PRDM2: variants seen among roughly 807,000 people sequenced by gnomAD.
The protein encoded by PRDM2 is PR domain zinc finger protein 2.
Under a neutral mutation model 130.0 loss-of-function variants are expected in PRDM2, and 30 were observed. The ratio of observed to expected loss-of-function variants is 0.23; its 90% CI spans 0.17 to 0.31. PRDM2 has a LOEUF of 0.31. Ranked by LOEUF, PRDM2 falls within the 10% of genes least tolerant of loss-of-function variation. The pLI is 1.00. For missense variants in PRDM2, 2,011 were observed against 2,108.4 expected (o/e 0.95, Z 0.90); for synonymous variants, 871 against 782.4 (o/e 1.11, Z -1.89).
intron 8 of PRDM2, among the ~76,000 whole-genome samples, chr1:13,813,727 G>T (rs972577411): frequency 2.6e-5 from 4 of 152,176 alleles, no homozygotes; most frequent in African/African-American, 7.2e-5. Flanking sequence ...TAGCAGAGGG[G>T]CCTCTGCCTT....
intron 8 of PRDM2, among the ~76,000 whole-genome samples, chr1:13,798,985 A>G (rs1365100469): frequency 6.6e-6 from 1 of 152,142 alleles, no homozygotes; most frequent in African/African-American, 2.4e-5. Context: ...TGCCTTGGAG[A>G]TTTCTCCTTC....
At chr1:13,741,736 G>GTGTGTT (rs1433901925) in intron 4 of PRDM2, among the ~76,000 whole-genome samples, 2 of 148,316 alleles carry the variant, frequency 1.3e-5, no homozygotes, top group African/African-American at 4.9e-5. Context: ...GTGTGTGTGT[G>GTGTGTT]TGTGTGTGTG....
chr1:13,765,552 G>A (rs1644206737), intron 6 of PRDM2, among the ~76,000 whole-genome samples: 1 of 151,816 alleles, frequency 6.6e-6, no homozygotes, highest in Admixed American at 6.6e-5. Context: ...TGCAGCCTCC[G>A]CCTCCTGGGT....
At chr1:13,711,554 C>G (rs762640046) in intron 1 of PRDM2, among the ~76,000 whole-genome samples, 2 of 152,198 alleles carry the variant, frequency 1.3e-5, no homozygotes, top group Admixed American at 1.3e-4. Context: ...CAGTCTTGCT[C>G]AAGGAGTTGG....
At chr1:13,822,342 C>T (rs1350929869) in intron 9 of PRDM2, among the ~76,000 whole-genome samples, 1 of 152,104 alleles carries the variant, frequency 6.6e-6, no homozygotes, top group Non-Finnish European at 1.5e-5. Flanking sequence ...ACTGGAAGTT[C>T]CCAGTTGTGG....
At chr1:13,765,910 A>T (rs940245701) in intron 6 of PRDM2, among the ~76,000 whole-genome samples, 14 of 152,154 alleles carry the variant, frequency 9.2e-5, no homozygotes, top group Non-Finnish European at 1.9e-4. Context: ...CTCCCAGTTA[A>T]GCCTTTTCAT....
intron 1 of PRDM2, among the ~76,000 whole-genome samples, chr1:13,711,084 C>CA (rs55784865): frequency 5.2e-4 from 72 of 138,182 alleles, no homozygotes; most frequent in Middle Eastern, 3.8e-3. Flanking sequence ...GGCTCTGTCT[C>CA]AAAAAAAAAA....
At chr1:13,717,112 A>G (rs902374145) in intron 2 of PRDM2, among the ~76,000 whole-genome samples, 1 of 152,204 alleles carries the variant, frequency 6.6e-6, no homozygotes, top group African/African-American at 2.4e-5. Flanking sequence ...CAGAGGACAT[A>G]TGTCATAAAA....
intron 8 of PRDM2, among the ~76,000 whole-genome samples, chr1:13,791,068 T>C (rs1040029398): frequency 1.3e-5 from 2 of 152,098 alleles, no homozygotes; most frequent in Non-Finnish European, 2.9e-5. Context: ...AAGTTGGGAT[T>C]TGAACTCCAA....
At position 13,778,400 on chromosome 1, in the gene PRDM2, C is replaced by T; in HGVS notation, c.623-18C>T. ...CCCATGCTTCACTTCCATGCTTCTG[C>T]TTCCATGTGCTTTCTAGGTCCTAAA... On this transcript the variant is annotated intron_variant, in intron 7 of 9. Coordinates refer to ENST00000311066, the MANE Select transcript of PRDM2 (RefSeq NM_001393986.1). 6.4e-7 allele frequency: 1 copy of T among 1,563,966 alleles called. No homozygotes were observed.
chr1:13,805,401 C>T (rs919930676), intron 8 of PRDM2, among the ~76,000 whole-genome samples: 8 of 152,258 alleles, frequency 5.3e-5, no homozygotes, highest in Admixed American at 1.3e-4. Context: ...TCAGCCCTTC[C>T]CCCAGGCTGG....
chr1:13,783,551 T>C (rs556128517), intron 8 of PRDM2, among the ~76,000 whole-genome samples: 4 of 152,294 alleles, frequency 2.6e-5, no homozygotes, highest in Non-Finnish European at 5.9e-5. Flanking sequence ...TGCCTTTGTT[T>C]CCCCAGTAAT....
intron 8 of PRDM2, among the ~76,000 whole-genome samples, chr1:13,808,322 T>G (rs950725873): frequency 1.3e-5 from 2 of 152,090 alleles, no homozygotes; most frequent in Admixed American, 6.5e-5. Flanking sequence ...AAACCCCATC[T>G]CTACTAAAAA....
At chr1:13,786,980 C>G in intron 8 of PRDM2, 12 of 987,526 alleles carry the variant, frequency 1.2e-5, no homozygotes, top group Non-Finnish European at 1.4e-5. Flanking sequence ...CATATCAGCT[C>G]TTGATGCCTT....
At chr1:13,815,088 T>A (rs1645235428) in intron 8 of PRDM2, among the ~76,000 whole-genome samples, 1 of 152,208 alleles carries the variant, frequency 6.6e-6, no homozygotes, top group African/African-American at 2.4e-5. Context: ...TCACTCTTAC[T>A]CAGTGGATGT....
intron 2 of PRDM2, among the ~76,000 whole-genome samples, chr1:13,727,645 G>A (rs1642965862): frequency 6.6e-6 from 1 of 152,186 alleles, no homozygotes; most frequent in South Asian, 2.1e-4. Flanking sequence ...GCCATTGTAT[G>A]TATGTGTTTA....
At chr1:13,797,537 G>A (rs1301466900) in intron 8 of PRDM2, among the ~76,000 whole-genome samples, 2 of 152,238 alleles carry the variant, frequency 1.3e-5, no homozygotes, top group Admixed American at 6.5e-5. Context: ...CCAGCTAACA[G>A]CAGGTGTTTT....
rs779245782 is a variant in PRDM2 at position 13,779,754 on chromosome 1, A to G, written c.1959A>G (p.Glu653=). The G allele has an allele frequency of 8.1e-6, 13 of 1,614,204 alleles. No individual in the cohort carries two copies. The highest frequency in any genetic ancestry group is 1.1e-5 in the South Asian group (1 of 91,078). Residue 653 remains glutamate (E), a synonymous_variant, in exon 8 of 10, where the codon GAA becomes GAG. Coordinates refer to ENST00000311066, the MANE Select transcript of PRDM2 (RefSeq NM_001393986.1). This position sits in a 1 kb window ranked among gnomAD's most constrained non-coding sequence, Gnocchi z 4.9. ...SPPALPKIKA[E]TDSDPMVPSC... Reference sequence around the variant, plus strand: ...CTGCACTGCCCAAAATTAAGGCCGAAACAGACTCTGACCCCATGGTCCCCT... The same window carrying G: ...CTGCACTGCCCAAAATTAAGGCCGAGACAGACTCTGACCCCATGGTCCCCT...
intron 8 of PRDM2, among the ~76,000 whole-genome samples, chr1:13,814,931 G>C (rs2100764355): frequency 6.6e-6 from 1 of 152,300 alleles, no homozygotes; most frequent in Non-Finnish European, 1.5e-5. Flanking sequence ...GAGGTAGACA[G>C]GTGACAGGCT....
Sources: allele counts gnomAD v4.1 joint callset (sites outside exome capture counted in the v4.1 genomes callset), GRCh38; gene constraint gnomAD v4.1.1; non-coding constraint Gnocchi (gnomAD v3.1); transcripts MANE v1.5; gene names NCBI Gene and HGNC (gene_info 2026-07-23, HGNC 2026-07-21).